PMS2: variants seen among roughly 807,000 people sequenced by gnomAD.
The protein encoded by PMS2 is mismatch repair endonuclease PMS2.
In PMS2, 69 loss-of-function variants were observed where a neutral mutation model predicts 90.0. The observed-to-expected ratio is 0.77, with a 90% CI of 0.63 to 0.94. The LOEUF (loss-of-function observed/expected upper bound fraction) is 0.94. PMS2 is among the 40% of genes least tolerant of loss of function. The pLI is 0.00. For synonymous variants in PMS2, 332 were observed against 375.1 expected (o/e 0.89, Z 1.33); for missense variants, 966 against 1,040.2 (o/e 0.93, Z 0.98).
At position 5,978,694 on chromosome 7, in the gene PMS2, G is replaced by A. The variant is rs876658439; in HGVS notation, c.2177C>T (p.Pro726Leu). 1.9e-6 allele frequency: 3 copies of A among 1,583,370 alleles called. No individual in the cohort carries two copies. The highest frequency in any genetic ancestry group is 2.7e-5 in the African/African-American group (2 of 73,214). The change falls in exon 13 of 15, where the codon CCT (proline) becomes CTT (leucine). Residue 726 changes from proline (P) to leucine (L), a missense_variant and splice_region_variant. By Grantham distance (98) the Pro-to-Leu change is moderately conservative (BLOSUM62 -3). Transcript: ENST00000265849. ...TVLQGQRLIA[P>L]QTLNLTAVNE... The stretch of plus-strand genomic sequence containing the variant: ...AACAGCAGTTAAGTTGAGAGTCTGA[G>A]GTCTGAAAAACACAAAAATGATTCA...
intron 8 of PMS2, among the ~76,000 whole-genome samples, chr7:5,993,098 C>T (rs1169096602): frequency 1.3e-5 from 2 of 151,990 alleles, no homozygotes; most frequent in East Asian, 1.9e-4. Context: ...GGGCTGGGAG[C>T]GGTGGCTCAC....
chr7:5,989,639 C>G (rs578014084), intron 10 of PMS2, among the ~76,000 whole-genome samples, 161 bp downstream of exon 10: 8 of 152,160 alleles, frequency 5.3e-5, no homozygotes, highest in Admixed American at 2.6e-4. Context: ...TGCAGTCCAG[C>G]CTGGGTGACA....
At chr7:5,996,300 T>C (rs1784380883) in intron 7 of PMS2, among the ~76,000 whole-genome samples, 1 of 151,030 alleles carries the variant, frequency 6.6e-6, no homozygotes, top group Admixed American at 6.6e-5. Flanking sequence ...ATGCCTGTAA[T>C]TCCAGAGCCT....
chr7:5,995,528 A>C lies in PMS2; in HGVS notation c.903+6T>G. ...GAACAAACTAACACAAAAAAATTTT[A>C]AATACCTTTGCTGGGTCACAAGGCC... On this transcript the variant is annotated splice_donor_region_variant and intron_variant, in intron 8 of 14. Coordinates refer to ENST00000265849, the MANE Select transcript of PMS2 (RefSeq NM_000535.7). The C allele has an allele frequency of 6.2e-7, 1 of 1,603,902 alleles. No individual in the cohort carries two copies. The highest frequency in any genetic ancestry group is 8.5e-7 in the Non-Finnish European group (1 of 1,170,754).
chr7:5,990,336 C>T (rs1242428068), intron 9 of PMS2, among the ~76,000 whole-genome samples: 1 of 152,152 alleles, frequency 6.6e-6, no homozygotes, highest in African/African-American at 2.4e-5. Flanking sequence ...AGAAATTTCC[C>T]CATCTATTAT....
At chr7:5,982,022 CTT>C (rs201352622) in intron 12 of PMS2, among the ~76,000 whole-genome samples, 2 of 129,390 alleles carry the variant, frequency 1.5e-5, no homozygotes, top group Non-Finnish European at 3.3e-5. Context: ...TATTAGGTCT[CTT>C]TTTTTTTTTG....
chr7:6,002,676 C>T (rs781569608), intron 4 of PMS2, 40 bp from the exon 5 acceptor site: 2 of 1,513,906 alleles, frequency 1.3e-6, no homozygotes, highest in Non-Finnish European at 1.8e-6. Flanking sequence ...CAGTGAGAGA[C>T]CCATGATGTT....
At chr7:5,996,590 AATATATAT>A (rs1554301106) in intron 7 of PMS2, among the ~76,000 whole-genome samples, 1 of 110,200 alleles carries the variant, frequency 9.1e-6, no homozygotes, top group Non-Finnish European at 1.7e-5. Flanking sequence ...AAAAAAAAAA[AATATATAT>A]ATATATATAT....
At chr7:5,992,171 T>C (rs1457132327) in intron 8 of PMS2, 114 bp from the exon 9 acceptor site, 20 of 680,268 alleles carry the variant, frequency 2.9e-5, no homozygotes, top group South Asian at 1.9e-4. Context: ...GGATACTTTT[T>C]TGTTTTTTTT....
At chr7:5,986,420 G>A (rs1401166268) in intron 11 of PMS2, among the ~76,000 whole-genome samples, 2 of 151,858 alleles carry the variant, frequency 1.3e-5, no homozygotes, top group Non-Finnish European at 2.9e-5. Flanking sequence ...GGCCGGGTGT[G>A]GTGGCTCACA....
intron 9 of PMS2, among the ~76,000 whole-genome samples, chr7:5,991,472 A>T (rs1200975755): frequency 1.5e-5 from 1 of 65,950 alleles, no homozygotes; most frequent in African/African-American, 3.8e-5. Flanking sequence ...GTTGACATTA[A>T]AAAAAATTAC....
intron 8 of PMS2, among the ~76,000 whole-genome samples, chr7:5,993,370 C>G (rs1279327540): frequency 1.4e-5 from 1 of 72,976 alleles, no homozygotes; most frequent in Non-Finnish European, 2.4e-5. Context: ...GACTCCGTCT[C>G]AAAAAAAAAA....
At chr7:5,978,100 G>A (rs1403381572) in intron 13 of PMS2, among the ~76,000 whole-genome samples, 18 of 149,602 alleles carry the variant, frequency 1.2e-4, no homozygotes, top group Middle Eastern at 3.5e-3. Flanking sequence ...CAGCCTGGGC[G>A]ACAGAGCAAG....
Position 5,987,077 on chromosome 7 carries a change from C to G in PMS2, c.1688G>C (p.Arg563Pro), listed in dbSNP as rs63750668. 1.2e-6 allele frequency: 2 copies of G among 1,613,648 alleles called. No individual in the cohort carries two copies. The highest frequency in any genetic ancestry group is 1.7e-6 in the Non-Finnish European group (2 of 1,179,910). The change falls in exon 11 of 15, where the codon CGA becomes CCA. Residue 563 changes from arginine (R) to proline (P), a missense_variant. Around this residue, in one of 2 missense-constraint regions of PMS2, gnomAD observed 871 missense variants for 802.4 expected, o/e 1.09. Coordinates refer to ENST00000265849, the MANE Select transcript of PMS2 (RefSeq NM_000535.7). ...GAGATTAGTTGGCTGAGGCAAAACT[C>G]GAAATTTACATCCGGTATCTTCCTG... ...SNQEDTGCKF[R>P]VLPQPTNLAT...
chr7:5,995,925 G>C (rs1784347344), intron 7 of PMS2, among the ~76,000 whole-genome samples: 1 of 152,064 alleles, frequency 6.6e-6, no homozygotes, highest in Non-Finnish European at 1.5e-5. Context: ...TAAATCCTCA[G>C]CCTCTGTAAG....
intron 5 of PMS2, 83 bp from the exon 6 acceptor site, chr7:5,999,358 A>G (rs1200837329): frequency 8.2e-7 from 1 of 1,224,898 alleles, no homozygotes; most frequent in East Asian, 2.4e-5. Context: ...CATCCAACGC[A>G]AGGTTCTCAC....
At position 6,006,302 on chromosome 7, in the gene PMS2, AT is replaced by A. The variant is rs199972863; in HGVS notation, c.24-272del. Among the ~76,000 whole-genome samples the A allele has an allele frequency of 6.0e-3, 912 of 152,256 alleles. 11 individuals carry two copies. Among genetic ancestry groups the A allele is most frequent in the African/African-American group, 0.02 (840 of 41,526 alleles). ...TAAGATCCACATGGAGAAAACATACATTGTATCTCTCAAATTACCAAAATCT... is the reference window on the plus strand; with the variant it reads ...TAAGATCCACATGGAGAAAACATACATGTATCTCTCAAATTACCAAAATCT... On this transcript the variant is annotated intron_variant, in intron 1 of 14. Coordinates refer to ENST00000265849, the MANE Select transcript of PMS2 (RefSeq NM_000535.7).
rs776238286 is a variant in PMS2 at position 5,982,880 on chromosome 7, C to G, written c.2118G>C (p.Lys706Asn). The change falls in exon 12 of 15, where the codon AAG (lysine) becomes AAC (asparagine). Residue 706 changes from lysine (K) to asparagine (N), a missense_variant. Physicochemically the swap from Lys to Asn is moderately conservative, Grantham distance 94. Coordinates refer to ENST00000265849, the MANE Select transcript of PMS2 (RefSeq NM_000535.7). The part of the protein sequence containing the change: ...FIVDQHATDE[K>N]YNFEMLQQHT... ...GCTGCTGCAGCATCTCGAAGTTATA[C>G]TTCTCGTCCGTGGCATGCTGGTCCA... is the stretch of plus-strand genomic sequence containing the variant. 6.2e-7 allele frequency: 1 copy of G among 1,606,388 alleles called. No homozygotes were observed. The highest frequency in any genetic ancestry group is 8.5e-7 in the Non-Finnish European group (1 of 1,176,464).
At chr7:5,994,493 G>A (rs555488534) in intron 8 of PMS2, among the ~76,000 whole-genome samples, 6 of 152,174 alleles carry the variant, frequency 3.9e-5, no homozygotes, top group Non-Finnish European at 8.8e-5. Flanking sequence ...TATTGTATCT[G>A]CTGGGCGCGG....
Sources: allele counts gnomAD v4.1 joint callset (sites outside exome capture counted in the v4.1 genomes callset), GRCh38; gene constraint gnomAD v4.1.1; regional missense constraint gnomAD v4.1.1; transcripts MANE v1.5; gene names NCBI Gene and HGNC (gene_info 2026-07-23, HGNC 2026-07-21).